OLAH: variants seen among roughly 807,000 people sequenced by gnomAD.
OLAH encodes oleoyl-ACP hydrolase.
OLAH carries 33 observed loss-of-function variants against 27.8 expected under a neutral mutation model. The observed-to-expected ratio is 1.19, with a 90% confidence interval of 0.90 to 1.59. The LOEUF (loss-of-function observed/expected upper bound fraction) is 1.59. Ranked by LOEUF, OLAH falls within the 40% of genes most tolerant of loss-of-function variation. The pLI is 0.00. For missense variants in OLAH, 359 were observed against 310.8 expected, an observed-to-expected ratio of 1.16 and a Z score of -1.17; for synonymous variants, 120 against 102.9, an observed-to-expected ratio of 1.17 and a Z score of -1.01.
chr10:15,070,631 C>T (rs189311192), intron 6 of OLAH, among the ~76,000 whole-genome samples: 24 of 152,104 alleles, frequency 1.6e-4, no homozygotes, highest in African/African-American at 5.3e-4. Context: ...TACGGGCATG[C>T]ACCACCATGT....
rs200966917 is a variant in OLAH at position 15,037,658 on chromosome 10, T to C, written c.-164+5308T>C. 4.6e-5 allele frequency among the ~76,000 whole-genome samples: 7 copies of C among 152,140 alleles called. No individual in the cohort carries two copies. The East Asian group carries it at 1.4e-3, about 29-fold the overall frequency. On this transcript the variant is annotated intron_variant, in intron 1 of 3. Transcript: ENST00000413672. ...ATCAGAGGCCTAACCGATAGCTAGA[T>C]GGCTTCCTAGATGAAACACGACCCA...
intron 2 of OLAH, among the ~76,000 whole-genome samples, chr10:15,047,972 C>T (rs1353920120): frequency 6.6e-6 from 1 of 151,950 alleles, no homozygotes; most frequent in Admixed American, 6.6e-5. Context: ...TAGAGATCAA[C>T]TGAAAAAACG....
chr10:15,054,278 T>C (rs1431734918), intron 3 of OLAH, among the ~76,000 whole-genome samples: 2 of 152,040 alleles, frequency 1.3e-5, no homozygotes, highest in African/African-American at 4.8e-5. Flanking sequence ...TGATCTCAAG[T>C]GATCCACCCG....
chr10:15,040,086 C>T (rs1251266369), upstream of OLAH, among the ~76,000 whole-genome samples: 1 of 152,158 alleles, frequency 6.6e-6, no homozygotes, highest in Non-Finnish European at 1.5e-5. Context: ...TCCTTCTCTC[C>T]TATGGACTTA....
intron 3 of OLAH, among the ~76,000 whole-genome samples, chr10:15,054,018 C>G (rs1172372396): frequency 6.6e-6 from 1 of 150,508 alleles, no homozygotes; most frequent in Non-Finnish European, 1.5e-5. Context: ...GCGTGAGCCA[C>G]AGTGCTCAAT....
chr10:15,055,984 G>A (rs961579308), intron 3 of OLAH, among the ~76,000 whole-genome samples: 1 of 151,848 alleles, frequency 6.6e-6, no homozygotes, highest in Non-Finnish European at 1.5e-5. Flanking sequence ...CAAGTATCTG[G>A]GATTATAGGC....
At chr10:15,042,213 G>A (rs568127847), upstream of OLAH, among the ~76,000 whole-genome samples, 22 of 151,798 alleles carry the variant, frequency 1.4e-4, no homozygotes, top group South Asian at 2.7e-3. Context: ...GTGCAATGAC[G>A]TGATCTCGGC....
At position 15,049,699 on chromosome 10, in the gene OLAH, C is replaced by G; in HGVS notation, c.97C>G (p.Pro33Ala). ...PEATFKLICF[P>A]WMGGGSTHFA... The stretch of plus-strand genomic sequence containing the variant: ...GGCAACTTTTAAGCTGATTTGCTTT[C>G]CCTGGATGGGAGGTGGCTCCACTCA... Residue 33 changes from proline (P) to alanine (A), a missense_variant, in exon 3 of 8, where the codon CCC (proline) becomes GCC (alanine). By Grantham distance (27) the Pro-to-Ala change is conservative. Transcript: ENST00000378228. 2 of 1,610,424 alleles carry G rather than the reference C, an allele frequency of 1.2e-6. No individual in the cohort carries two copies. Among genetic ancestry groups the G allele is most frequent in the Non-Finnish European group, 1.7e-6 (2 of 1,179,048 alleles).
intron 3 of OLAH, among the ~76,000 whole-genome samples, chr10:15,055,260 A>G (rs192014229): frequency 8.5e-5 from 13 of 152,372 alleles, no homozygotes; most frequent in Admixed American, 8.5e-4. Context: ...TTTCCTGACG[A>G]GCAAGAATAC....
intron 7 of OLAH, 58 bp downstream of exon 7, chr10:15,071,935 A>AC (rs1844596217): frequency 1.7e-6 from 2 of 1,142,888 alleles, no homozygotes; most frequent in Admixed American, 2.1e-5. Context: ...TGGCTTTAAA[A>AC]TTTTTTTTTT....
intron 1 of OLAH, among the ~76,000 whole-genome samples, chr10:15,034,108 T>TTTTTC (rs1564523147): frequency 1.2e-4 from 13 of 112,626 alleles, no homozygotes; most frequent in African/African-American, 4.1e-4. Flanking sequence ...CACCATTTTT[T>TTTTTC]TTTTTTCTTT....
chr10:15,049,641 A>C lies in OLAH; in HGVS notation c.39A>C (p.Glu13Asp), dbSNP rs771853549. 1.9e-6 allele frequency: 3 copies of C among 1,581,714 alleles called. No individual in the cohort carries two copies. The South Asian group carries it at 3.5e-5, about 19-fold the overall frequency. Residue 13 changes from glutamate to aspartate, a missense_variant, in exon 3 of 8, where the codon GAA becomes GAC. Physicochemically the swap from Glu to Asp is conservative, Grantham distance 45. Coordinates refer to ENST00000378228, the MANE Select transcript of OLAH (RefSeq NM_001039702.3). ...RGDQPKRTRN[E>D]NIFNCLYKNP... ...ATTTGAATTTTCTCCCTAGGAATGA[A>C]AACATTTTCAACTGCTTATACAAAA...
intron 3 of OLAH, among the ~76,000 whole-genome samples, chr10:15,054,705 C>G (rs114532856): frequency 6.6e-6 from 1 of 152,198 alleles, no homozygotes; most frequent in East Asian, 1.9e-4. Flanking sequence ...TTTGCTTGTA[C>G]TCCATATCTA....
intron 1 of OLAH, among the ~76,000 whole-genome samples, 162 bp from the exon 2 acceptor site, chr10:15,046,964 G>C (rs1051011049): frequency 1.3e-5 from 2 of 152,130 alleles, no homozygotes; most frequent in Non-Finnish European, 2.9e-5. Context: ...CTGCTAATTG[G>C]ATATGAATGG....
chr10:15,043,036 A>ATT (rs1843949141), upstream of OLAH, among the ~76,000 whole-genome samples: 1 of 151,038 alleles, frequency 6.6e-6, no homozygotes, highest in Non-Finnish European at 1.5e-5. Context: ...AATTTTTTGT[A>ATT]TTTTTAGTAG....
At chr10:15,055,683 A>G (rs1844231971) in intron 3 of OLAH, among the ~76,000 whole-genome samples, 1 of 152,204 alleles carries the variant, frequency 6.6e-6, no homozygotes, top group African/African-American at 2.4e-5. Context: ...AAGTTTTCAA[A>G]TAGTAGATCT....
intron 3 of OLAH, chr10:15,056,905 C>G: frequency 6.5e-7 from 1 of 1,536,188 alleles, no homozygotes; most frequent in Non-Finnish European, 8.8e-7. Flanking sequence ...TACCCATGTG[C>G]TGGCGTGAGC....
rs564808956 is a variant in OLAH at position 15,050,779 on chromosome 10, G to C, written c.163+1014G>C. Among the ~76,000 whole-genome samples the C allele has an allele frequency of 3.8e-4, 57 of 151,876 alleles. 1 individual carries two copies. The South Asian group carries it at 0.012, about 31-fold the overall frequency. On this transcript the variant is annotated intron_variant, in intron 3 of 7. Transcript: ENST00000378228. ...GATGGTCTCAATCTCCTGACCTTGTGATCCGCCCGCCTCGGCCTCCCAAAG... is the reference window on the plus strand; with the variant it reads ...GATGGTCTCAATCTCCTGACCTTGTCATCCGCCCGCCTCGGCCTCCCAAAG...
intron 6 of OLAH, among the ~76,000 whole-genome samples, chr10:15,070,299 C>G (rs900028607): frequency 6.6e-6 from 1 of 152,066 alleles, no homozygotes; most frequent in Non-Finnish European, 1.5e-5. Context: ...GATCCGTTAT[C>G]CACACTCTAT....
Sources: gnomAD v4.1 joint callset for allele counts (sites outside exome capture counted in the v4.1 genomes callset) on GRCh38, gnomAD v4.1.1 for gene constraint, MANE v1.5 for transcripts, NCBI Gene and HGNC (gene_info 2026-07-23, HGNC 2026-07-21) for gene names.